The following RBFOX2 variants were observed in gnomAD, a reference collection of about 807,000 sequenced individuals.
The protein encoded by RBFOX2 is RNA binding fox-1 homolog 2.
A neutral mutation model predicts 49.1 loss-of-function variants in RBFOX2; 10 were observed. That is an observed-to-expected ratio of 0.20 (90% CI 0.13 to 0.35). The LOEUF is 0.35. Among genes scored for constraint, RBFOX2 ranks in the 10% least tolerant of loss-of-function variants. RBFOX2 has a pLI of 1.00. For missense variants in RBFOX2, 323 were observed against 486.9 expected, an observed-to-expected ratio of 0.66 and a Z score of 3.17; for synonymous variants, 183 against 187.4, an observed-to-expected ratio of 0.98 and a Z score of 0.19.
At chr22:35,773,218 T>G (rs1943125858) in intron 4 of RBFOX2, among the ~76,000 whole-genome samples, 1 of 152,012 alleles carries the variant, frequency 6.6e-6, no homozygotes, top group African/African-American at 2.4e-5. Flanking sequence ...TTGAAAGAAA[T>G]AAATAATTTC....
intron 1 of RBFOX2, among the ~76,000 whole-genome samples, chr22:35,959,414 C>G (rs1238669303): frequency 6.6e-6 from 1 of 152,198 alleles, no homozygotes; most frequent in African/African-American, 2.4e-5. Flanking sequence ...TATCTATACA[C>G]TGGTTTAGCC....
At chr22:35,768,282 G>A (rs1941627149) in exon 5 of RBFOX2, 5 of 1,614,160 alleles carry the variant, frequency 3.1e-6, no homozygotes, top group Non-Finnish European at 4.2e-6. Context: ...CTCTACCACG[G>A]TGCCGTGTAA....
chr22:35,909,376 G>T (rs1016405708), intron 1 of RBFOX2, among the ~76,000 whole-genome samples: 1 of 152,124 alleles, frequency 6.6e-6, no homozygotes, highest in African/African-American at 2.4e-5. Context: ...GAAGGGAGTT[G>T]AGAGGTTGTA....
intron 2 of RBFOX2, among the ~76,000 whole-genome samples, chr22:35,802,477 C>T (rs1303594647): frequency 1.3e-5 from 2 of 152,144 alleles, no homozygotes; most frequent in Non-Finnish European, 2.9e-5. Context: ...TGAGAAATTG[C>T]TTAAACTTAG....
chr22:35,834,474 C>T (rs543150833), intron 1 of RBFOX2, among the ~76,000 whole-genome samples: 149 of 152,220 alleles, frequency 9.8e-4, no homozygotes, highest in African/African-American at 3.4e-3. Context: ...GGGGAGGAGA[C>T]AGACAACAAA....
At chr22:35,939,234 A>G (rs1222324236), upstream of RBFOX2, 1 of 503,912 alleles carries the variant, frequency 2.0e-6, no homozygotes, top group East Asian at 5.4e-5. Flanking sequence ...GGACTTCAGC[A>G]TCCCCAGCCC....
At chr22:36,013,981 G>C (rs2058934138) in intron 1 of RBFOX2, among the ~76,000 whole-genome samples, 3 of 151,680 alleles carry the variant, frequency 2.0e-5, no homozygotes, top group African/African-American at 7.3e-5. Context: ...CTACACAATA[G>C]TTCAGCATCA....
At chr22:35,903,220 C>T (rs1422143335) in intron 1 of RBFOX2, among the ~76,000 whole-genome samples, 2 of 152,082 alleles carry the variant, frequency 1.3e-5, no homozygotes, top group East Asian at 3.9e-4. Context: ...ACAAAGTTTC[C>T]AAGCCCTCCA....
At chr22:36,022,112 T>G (rs1370255813) in intron 1 of RBFOX2, among the ~76,000 whole-genome samples, 5 of 152,174 alleles carry the variant, frequency 3.3e-5, no homozygotes, top group African/African-American at 1.2e-4. Context: ...CAAATGTATA[T>G]CAACAAAAAT....
At chr22:35,797,654 A>G (rs1372374988) in intron 2 of RBFOX2, among the ~76,000 whole-genome samples, 1 of 152,170 alleles carries the variant, frequency 6.6e-6, no homozygotes, top group Non-Finnish European at 1.5e-5. Context: ...AGTTTTACCC[A>G]CCATTGCTTC....
At chr22:35,880,673 CTATTT>C (rs2045762289) in intron 1 of RBFOX2, among the ~76,000 whole-genome samples, 2 of 152,150 alleles carry the variant, frequency 1.3e-5, no homozygotes, top group African/African-American at 4.8e-5. Context: ...TAAAAATAAA[CTATTT>C]TATCTTGTAA....
At chr22:35,821,651 C>T in intron 1 of RBFOX2, 1 of 451,340 alleles carries the variant, frequency 2.2e-6, no homozygotes, top group Non-Finnish European at 4.3e-6. Flanking sequence ...TCCTATCCTT[C>T]ACTCTGTCAG....
chr22:36,008,766 T>C (rs575935279), intron 1 of RBFOX2, among the ~76,000 whole-genome samples: 152 of 152,068 alleles, frequency 1.0e-3, no homozygotes, highest in African/African-American at 3.5e-3. Context: ...TGCAGTGAGA[T>C]TGCACCACTG....
chr22:35,821,926 A>G (rs1202775837), intron 1 of RBFOX2: 1 of 519,016 alleles, frequency 1.9e-6, no homozygotes, highest in East Asian at 5.4e-5. Flanking sequence ...GAAACCATAA[A>G]CACCTCTTCA....
chr22:35,817,737 A>C (rs1953453668), intron 1 of RBFOX2, among the ~76,000 whole-genome samples: 1 of 152,134 alleles, frequency 6.6e-6, no homozygotes, highest in South Asian at 2.1e-4. Flanking sequence ...CAGTCATGTA[A>C]GGGGGCGTTG....
intron 1 of RBFOX2, among the ~76,000 whole-genome samples, chr22:35,829,373 G>GA (rs1203704705): frequency 2.0e-5 from 3 of 151,770 alleles, no homozygotes; most frequent in Non-Finnish European, 4.4e-5. Flanking sequence ...GATAAAAAAG[G>GA]AAAAAAATGA....
upstream of RBFOX2, chr22:35,840,631 CGT>C (rs150747166): frequency 0.081 from 73,303 of 901,462 alleles, 21 homozygotes; most frequent in Non-Finnish European, 0.089. Context: ...TGCGTGTGTG[CGT>C]GTGTGTGTGT....
chr22:36,007,565 A>G (rs188198613), intron 1 of RBFOX2, among the ~76,000 whole-genome samples: 671 of 152,332 alleles, frequency 4.4e-3, no homozygotes, highest in Non-Finnish European at 7.7e-3. Context: ...ATGTAATACA[A>G]AATTCAAAAG....
chr22:35,915,140 C>T (rs1250046475), intron 1 of RBFOX2, among the ~76,000 whole-genome samples: 1 of 152,178 alleles, frequency 6.6e-6, no homozygotes, highest in East Asian at 1.9e-4. Flanking sequence ...CAATCACATT[C>T]TCTCCTCTGA....
Sources: gnomAD v4.1 joint callset for allele counts (sites outside exome capture counted in the v4.1 genomes callset) on GRCh38, gnomAD v4.1.1 for gene constraint, MANE v1.5 for transcripts, NCBI Gene and HGNC (gene_info 2026-07-23, HGNC 2026-07-21) for gene names.